Variants in RGS9 observed in about 807,000 individuals in gnomAD.
RGS9 encodes the protein regulator of G-protein signalling 9.
RGS9 carries 78 observed loss-of-function variants against 102.0 expected under a neutral mutation model. The observed-to-expected ratio is 0.76, with a 90% CI of 0.64 to 0.92. The LOEUF is 0.92. RGS9 is among the 40% of genes least tolerant of loss of function. The probability of loss-of-function intolerance (pLI) is 0.00; values close to 1 mark genes in which losing one functional copy is unlikely to be tolerated. For synonymous variants in RGS9, 353 were observed against 318.6 expected (o/e 1.11, Z -1.15); for missense variants, 833 against 866.1 (o/e 0.96, Z 0.48).
chr17:65,187,060 A>G (rs1477442208), intron 9 of RGS9, among the ~76,000 whole-genome samples: 1 of 152,216 alleles, frequency 6.6e-6, no homozygotes, highest in African/African-American at 2.4e-5. Context: ...GAATGGGATC[A>G]AATAAGTATG....
At chr17:65,224,101 G>A (rs1297077558) in intron 17 of RGS9, among the ~76,000 whole-genome samples, 1 of 152,198 alleles carries the variant, frequency 6.6e-6, no homozygotes, top group East Asian at 1.9e-4. Flanking sequence ...AGGCCTTTAG[G>A]AGGGAATCCA....
In RGS9 at chr17:65,202,042, T is replaced by C. The variant is rs1183630258; in HGVS notation, c.1026T>C (p.Asp342=). 6 of 1,613,678 alleles carry C rather than the reference T, an allele frequency of 3.7e-6. No individual in the cohort carries two copies. In the Admixed American group the frequency reaches 5.0e-5, roughly 13 times the overall value. ...WEACEDLKYG[D]QSKVKEKAEE... The stretch of plus-strand genomic sequence containing the variant: ...CCTGCGAGGATCTGAAGTATGGAGA[T>C]CAGTCCAAAGTCAAGGAGAAAGCAG... The change falls in exon 14 of 19, where the codon GAT becomes GAC. Residue 342 remains aspartate (D), a synonymous_variant. Coordinates refer to ENST00000262406, the MANE Select transcript of RGS9 (RefSeq NM_003835.4).
intron 9 of RGS9, among the ~76,000 whole-genome samples, chr17:65,187,498 C>T (rs1248702905): frequency 6.6e-6 from 1 of 152,160 alleles, no homozygotes; most frequent in African/African-American, 2.4e-5. Context: ...CAAAATGAAA[C>T]CCAGCCTGAG....
chr17:65,164,363 G>A (rs1189748324), intron 7 of RGS9, among the ~76,000 whole-genome samples: 3 of 152,212 alleles, frequency 2.0e-5, no homozygotes, highest in African/African-American at 4.8e-5. Flanking sequence ...AGGCAAAGCA[G>A]GTCAACGTCA....
intron 8 of RGS9, among the ~76,000 whole-genome samples, chr17:65,174,966 G>GA (rs1911569692): frequency 6.6e-6 from 1 of 152,098 alleles, no homozygotes; most frequent in African/African-American, 2.4e-5. Context: ...CAGCATGGGG[G>GA]ACACCACCCC....
chr17:65,186,632 G>A (rs1255192313), intron 9 of RGS9, among the ~76,000 whole-genome samples: 1 of 152,208 alleles, frequency 6.6e-6, no homozygotes, highest in Non-Finnish European at 1.5e-5. Flanking sequence ...GCGATTTTGT[G>A]TTTCTCAACA....
chr17:65,172,292 C>T (rs550941257), intron 8 of RGS9, among the ~76,000 whole-genome samples: 1 of 152,166 alleles, frequency 6.6e-6, no homozygotes, highest in Non-Finnish European at 1.5e-5. Flanking sequence ...CAACCTCTGC[C>T]TCTTGGGTTC....
chr17:65,188,171 G>A (rs1009165095), intron 9 of RGS9, among the ~76,000 whole-genome samples: 6 of 151,980 alleles, frequency 3.9e-5, no homozygotes, highest in Admixed American at 2.6e-4. Context: ...GAGGAAGCAC[G>A]GCCCACTGCA....
At chr17:65,202,393 T>G (rs1912884121) in intron 14 of RGS9, among the ~76,000 whole-genome samples, 1 of 147,700 alleles carries the variant, frequency 6.8e-6, no homozygotes, top group African/African-American at 2.5e-5. Context: ...TAAAGCCTTC[T>G]TAGGTGTCCT....
At chr17:65,164,226 G>T (rs1911090310) in intron 7 of RGS9, among the ~76,000 whole-genome samples, 1 of 152,142 alleles carries the variant, frequency 6.6e-6, no homozygotes, top group South Asian at 2.1e-4. Context: ...GCCCTGACAT[G>T]CTTTCCCCAC....
In RGS9 at chr17:65,182,928, T is replaced by C. The variant is rs1412267816; in HGVS notation, c.654+5125T>C. Among the ~76,000 whole-genome samples the C allele has an allele frequency of 3.3e-5, 5 of 152,252 alleles. No homozygotes were observed. The East Asian group carries it at 9.6e-4, about 29-fold the overall frequency. Reference sequence around the variant, plus strand: ...AGTGAACTGCATTTTTATTTTGCACTGAGCCTTGCAAATTGTAAGCAATTC... The same window carrying C: ...AGTGAACTGCATTTTTATTTTGCACCGAGCCTTGCAAATTGTAAGCAATTC... On this transcript the variant is annotated intron_variant, in intron 9 of 18. Transcript: ENST00000262406.
At chr17:65,193,262 A>C (rs1912448765) in intron 11 of RGS9, among the ~76,000 whole-genome samples, 1 of 150,600 alleles carries the variant, frequency 6.6e-6, no homozygotes, top group East Asian at 1.9e-4. Context: ...CTCAAAAAAA[A>C]AAAAAAAAGA....
intron 17 of RGS9, among the ~76,000 whole-genome samples, chr17:65,220,580 G>A (rs1008813222): frequency 2.0e-5 from 3 of 152,184 alleles, no homozygotes; most frequent in African/African-American, 7.2e-5. Flanking sequence ...GGGGGCGGTG[G>A]GGAAGGGGAG....
chr17:65,215,804 G>A (rs539331110), intron 17 of RGS9, among the ~76,000 whole-genome samples: 73 of 152,126 alleles, frequency 4.8e-4, no homozygotes, highest in Non-Finnish European at 8.2e-4. Context: ...CAAGTGATCC[G>A]CTGGCCTCGG....
intron 12 of RGS9, among the ~76,000 whole-genome samples, chr17:65,196,011 A>T (rs544393474): frequency 6.6e-6 from 1 of 152,320 alleles, no homozygotes; most frequent in South Asian, 2.1e-4. Flanking sequence ...GGTGATTCTG[A>T]TGCATGTGGA....
rs995009272 is a variant in RGS9 at position 65,173,962 on chromosome 17, C to T, written c.583-3770C>T. Reference sequence around the variant, plus strand: ...ACAGCTTGATTGGGAACAACTGAGACTTAAGGGCTGCTGCCCACAGAGGTG... The same window carrying T: ...ACAGCTTGATTGGGAACAACTGAGATTTAAGGGCTGCTGCCCACAGAGGTG... On this transcript the variant is annotated intron_variant, in intron 8 of 18. Transcript: ENST00000262406. The surrounding 1 kb of genome is among the most constrained non-coding windows in gnomAD (Gnocchi z 4.8). Among the ~76,000 whole-genome samples, 2 of 152,202 alleles carry T rather than the reference C, an allele frequency of 1.3e-5. No homozygotes were observed. Among genetic ancestry groups the T allele is most frequent in the South Asian group, 4.1e-4 (2 of 4,826 alleles).
At chr17:65,152,241 G>A (rs1040903081) in intron 1 of RGS9, among the ~76,000 whole-genome samples, 4 of 152,186 alleles carry the variant, frequency 2.6e-5, no homozygotes, top group Non-Finnish European at 5.9e-5. Context: ...CATGGGACCC[G>A]CCCAAGGCTG....
At chr17:65,226,408 G>A (rs1446276228) in intron 18 of RGS9, among the ~76,000 whole-genome samples, 3 of 152,148 alleles carry the variant, frequency 2.0e-5, no homozygotes, top group Non-Finnish European at 4.4e-5. Flanking sequence ...CTTAGGGGGA[G>A]AGGGAGGAGC....
chr17:65,201,074 C>G (rs1393461268), intron 13 of RGS9, among the ~76,000 whole-genome samples: 1 of 151,854 alleles, frequency 6.6e-6, no homozygotes, highest in Non-Finnish European at 1.5e-5. Flanking sequence ...TGTTCATTTC[C>G]CCACACTGTG....
Sources: allele counts gnomAD v4.1 joint callset (sites outside exome capture counted in the v4.1 genomes callset), GRCh38; gene constraint gnomAD v4.1.1; non-coding constraint Gnocchi (gnomAD v3.1); transcripts MANE v1.5; gene names NCBI Gene and HGNC (gene_info 2026-07-23, HGNC 2026-07-21).